Variants in PRKCE observed in about 807,000 individuals in gnomAD.
The protein encoded by PRKCE is protein kinase C epsilon type.
Under a neutral mutation model 85.4 loss-of-function variants are expected in PRKCE, and 16 were observed. The observed-to-expected ratio is 0.19, with a 90% confidence interval of 0.13 to 0.28. The LOEUF (loss-of-function observed/expected upper bound fraction) is 0.28. PRKCE is among the 10% of genes least tolerant of loss of function. The pLI, the probability that PRKCE is intolerant of heterozygous loss-of-function variation, is 1.00. For synonymous variants in PRKCE, 388 were observed against 371.5 expected, an observed-to-expected ratio of 1.04 and a Z score of -0.51; for missense variants, 573 against 975.2, an observed-to-expected ratio of 0.59 and a Z score of 5.49.
chr2:46,056,153 C>G (rs1182456683), intron 10 of PRKCE, among the ~76,000 whole-genome samples: 1 of 152,090 alleles, frequency 6.6e-6, no homozygotes, highest in Non-Finnish European at 1.5e-5. Context: ...TGAGTAGGAG[C>G]TCCATCAGCT....
At chr2:46,097,537 A>AT (rs1553345733) in intron 11 of PRKCE, among the ~76,000 whole-genome samples, 2 of 143,740 alleles carry the variant, frequency 1.4e-5, no homozygotes, top group Non-Finnish European at 3.1e-5. Flanking sequence ...AAAAAAAAAA[A>AT]GCTGTGAAGT....
chr2:45,684,140 G>T (rs974371824), intron 1 of PRKCE, among the ~76,000 whole-genome samples: 3 of 152,182 alleles, frequency 2.0e-5, no homozygotes, highest in African/African-American at 7.2e-5. Context: ...ATTCAGAGAG[G>T]TGATGGTGTC....
intron 4 of PRKCE, 29 bp from the exon 5 acceptor site, chr2:45,980,267 T>C (rs756826782): frequency 8.1e-6 from 13 of 1,596,874 alleles, no homozygotes; most frequent in Middle Eastern, 1.6e-4. Context: ...CTGAGTGTCA[T>C]TCAGCCTTCC....
At chr2:45,929,742 TA>T (rs890249609) in intron 2 of PRKCE, among the ~76,000 whole-genome samples, 2 of 151,216 alleles carry the variant, frequency 1.3e-5, no homozygotes, top group African/African-American at 2.4e-5. Context: ...GGACCTCATA[TA>T]ATTATCTCTA....
Position 46,004,297 on chromosome 2 carries a change from T to C in PRKCE, c.967-245T>C. 2.3e-6 allele frequency: 1 copy of C among 443,226 alleles called. No individual in the cohort carries two copies. Among genetic ancestry groups the C allele is most frequent in the Non-Finnish European group, 4.2e-6 (1 of 236,024 alleles). 27.5% of individuals were successfully genotyped at this position (443,226 alleles called of 1,614,324 possible). On this transcript the variant is annotated intron_variant, in intron 7 of 14. Coordinates refer to ENST00000306156, the MANE Select transcript of PRKCE (RefSeq NM_005400.3). This position sits in a 1 kb window ranked among gnomAD's most constrained non-coding sequence, Gnocchi z 4.1. ...TTGGAATGAGGGGAAGACATCATCC[T>C]TCTGTGAATGTAGGGAAGGTGCACT...
chr2:45,939,300 G>C (rs1318225386), intron 2 of PRKCE, among the ~76,000 whole-genome samples: 2 of 152,170 alleles, frequency 1.3e-5, no homozygotes, highest in Non-Finnish European at 2.9e-5. Context: ...AGATGGGCTT[G>C]TCTAAAGCCA....
intron 10 of PRKCE, among the ~76,000 whole-genome samples, chr2:46,063,578 A>G (rs536598730): frequency 3.3e-5 from 5 of 152,110 alleles, no homozygotes; most frequent in Non-Finnish European, 7.4e-5. Flanking sequence ...CTTTGGAAAA[A>G]GCTATTTGAG....
chr2:45,850,992 C>T (rs1216264071), intron 2 of PRKCE, among the ~76,000 whole-genome samples: 1 of 152,224 alleles, frequency 6.6e-6, no homozygotes, highest in Admixed American at 6.5e-5. Context: ...CAGTAAGCAT[C>T]ATCGTGTGCT....
chr2:45,967,671 A>G (rs1264258016), intron 2 of PRKCE, among the ~76,000 whole-genome samples: 2 of 152,264 alleles, frequency 1.3e-5, no homozygotes, highest in South Asian at 2.1e-4. Flanking sequence ...TTTGAAGTAA[A>G]GATACAGTCA....
chr2:46,018,111 G>A (rs545290184), intron 10 of PRKCE, among the ~76,000 whole-genome samples: 2 of 152,302 alleles, frequency 1.3e-5, no homozygotes, highest in African/African-American at 4.8e-5. Flanking sequence ...AGAGGAGCAG[G>A]GTTGATCAGC....
intron 1 of PRKCE, among the ~76,000 whole-genome samples, chr2:45,837,403 C>T (rs1690970555): frequency 6.6e-6 from 1 of 152,174 alleles, no homozygotes; most frequent in African/African-American, 2.4e-5. Flanking sequence ...ACTACAGGTG[C>T]ATGCCTCCAC....
chr2:46,052,120 A>C (rs1298710547), intron 10 of PRKCE, among the ~76,000 whole-genome samples: 2 of 152,178 alleles, frequency 1.3e-5, no homozygotes, highest in Non-Finnish European at 2.9e-5. Context: ...AAAGCCATAT[A>C]ATCTAAGATT....
chr2:45,818,127 A>G (rs1689234278), intron 1 of PRKCE, among the ~76,000 whole-genome samples: 1 of 152,192 alleles, frequency 6.6e-6, no homozygotes, highest in African/African-American at 2.4e-5. Context: ...ATTTTACACA[A>G]TCAATTGGTC....
chr2:46,100,482 G>A lies in PRKCE; in HGVS notation c.1592+14120G>A, dbSNP rs527862325. ...ACCATGTAAGCAAGAACTGCTGGCCGAGGAGCAGGGATGCTTGCTCAGAAG... is the reference window on the plus strand; with the variant it reads ...ACCATGTAAGCAAGAACTGCTGGCCAAGGAGCAGGGATGCTTGCTCAGAAG... On this transcript the variant is annotated intron_variant, in intron 11 of 14. Transcript: ENST00000306156. 9.5e-4 allele frequency among the ~76,000 whole-genome samples: 144 copies of A among 152,312 alleles called. 1 individual carries two copies. The highest frequency in any genetic ancestry group is 3.3e-3 in the African/African-American group (139 of 41,574).
At position 46,184,830 on chromosome 2, in the gene PRKCE, C is replaced by T; in HGVS notation, c.2163C>T (p.Asn721=). ...LVDEAIVKQI[N]QEEFKGFSYF... ...ACGAAGCAATTGTAAAGCAGATCAA[C>T]CAGGAGGAATTCAAAGGTTTCTCCT... The change falls in exon 15 of 15, where the codon AAC becomes AAT. Residue 721 remains asparagine (N), a synonymous_variant. Coordinates refer to ENST00000306156, the MANE Select transcript of PRKCE (RefSeq NM_005400.3). This position sits in a 1 kb window ranked among gnomAD's most constrained non-coding sequence, Gnocchi z 5.0. The T allele has an allele frequency of 3.1e-6, 5 of 1,599,766 alleles. No individual in the cohort carries two copies. The highest frequency in any genetic ancestry group is 3.4e-6 in the Non-Finnish European group (4 of 1,179,958).
chr2:45,736,873 G>A (rs940510068), intron 1 of PRKCE, among the ~76,000 whole-genome samples: 9 of 152,208 alleles, frequency 5.9e-5, no homozygotes, highest in Non-Finnish European at 8.8e-5. Flanking sequence ...TGGAGGTAAG[G>A]ATCATTTTGG....
Position 46,001,587 on chromosome 2 carries a change from G to T in PRKCE, c.966+41G>T, listed in dbSNP as rs1265769971. The T allele has an allele frequency of 6.3e-7, 1 of 1,582,472 alleles. No individual in the cohort carries two copies. Among genetic ancestry groups the T allele is most frequent in the Admixed American group, 1.7e-5 (1 of 58,534 alleles). ...GTGGTGTTGCTGGAGCCCTTTTCAG[G>T]CTAGCATTTCTGTGCTGACTTCCAG... On this transcript the variant is annotated intron_variant, in intron 7 of 14. Transcript: ENST00000306156. This position sits in a 1 kb window ranked among gnomAD's most constrained non-coding sequence, Gnocchi z 4.4.
chr2:46,010,100 T>C (rs1705534485), intron 9 of PRKCE, among the ~76,000 whole-genome samples: 1 of 152,260 alleles, frequency 6.6e-6, no homozygotes, highest in South Asian at 2.1e-4. Context: ...TTAAACATTA[T>C]GTATACATCT....
chr2:45,998,339 C>T (rs942756119), intron 6 of PRKCE, among the ~76,000 whole-genome samples: 2 of 152,126 alleles, frequency 1.3e-5, no homozygotes, highest in Non-Finnish European at 2.9e-5. Context: ...TCAGTTTTTG[C>T]CTCACTTACT....
Sources: allele counts gnomAD v4.1 joint callset (sites outside exome capture counted in the v4.1 genomes callset), GRCh38; gene constraint gnomAD v4.1.1; non-coding constraint Gnocchi (gnomAD v3.1); transcripts MANE v1.5; gene names NCBI Gene and HGNC (gene_info 2026-07-23, HGNC 2026-07-21).